TLN2: variants seen among roughly 807,000 people sequenced by gnomAD.
The protein encoded by TLN2 is talin 2.
Under a neutral mutation model 294.7 loss-of-function variants are expected in TLN2, and 118 were observed. The ratio of observed to expected loss-of-function variants is 0.40; its 90% confidence interval spans 0.34 to 0.47. The LOEUF (loss-of-function observed/expected upper bound fraction) is 0.47, where lower values mean the gene tolerates loss of function less well. Among genes scored for constraint, TLN2 ranks in the 20% least tolerant of loss-of-function variants. The pLI is 0.84. For synonymous variants in TLN2, 1,431 were observed against 1,304.5 expected (o/e 1.10, Z -2.09); for missense variants, 3,083 against 3,282.2 (o/e 0.94, Z 1.48).
At chr15:62,642,107 G>A (rs1182254118) in intron 3 of TLN2, among the ~76,000 whole-genome samples, 1 of 152,190 alleles carries the variant, frequency 6.6e-6, no homozygotes, top group Non-Finnish European at 1.5e-5. Flanking sequence ...GTTTTGTGTT[G>A]GATCAAGCAA....
intron 41 of TLN2, among the ~76,000 whole-genome samples, chr15:62,767,967 T>TAG (rs61407938): frequency 0.15 from 23,565 of 152,196 alleles, 2,083 homozygotes; most frequent in South Asian, 0.24. Context: ...TCACTTGACT[T>TAG]ACAAATTTAC....
At position 62,424,952 on chromosome 15, in the gene TLN2, C is replaced by CTT. The variant is rs529075856; in HGVS notation, c.-238+34284_-238+34285dup. Among the ~76,000 whole-genome samples the CTT allele has an allele frequency of 6.0e-3, 777 of 129,234 alleles. 12 individuals are homozygous for CTT. Among genetic ancestry groups the CTT allele is most frequent in the African/African-American group, 0.021 (722 of 33,990 alleles). 84.8% of individuals were successfully genotyped at this position (129,234 alleles called of 152,430 possible). A position where few individuals can be genotyped will look rare whatever the true frequency, so the allele number is the denominator to read the frequency against. ...ACAGGCATGAGCCACCGTGCCTGGC[C>CTT]TTTTTTTTTTTTTTTTTTAAGAGAT... is the stretch of plus-strand genomic sequence containing the variant. On this transcript the variant is annotated intron_variant, in intron 1 of 58. Transcript: ENST00000636159.
chr15:62,740,018 T>C (rs1261914389), intron 31 of TLN2, among the ~76,000 whole-genome samples: 1 of 151,590 alleles, frequency 6.6e-6, no homozygotes, highest in East Asian at 1.9e-4. Context: ...TTGACTGATC[T>C]GGTGTCAGCT....
At chr15:62,610,759 C>T (rs1232769241) in intron 2 of TLN2, among the ~76,000 whole-genome samples, 2 of 152,130 alleles carry the variant, frequency 1.3e-5, no homozygotes, top group African/African-American at 4.8e-5. Context: ...TGCAAACGTG[C>T]CAGGAGTATT....
chr15:62,779,289 G>A (rs1363928250), intron 43 of TLN2, among the ~76,000 whole-genome samples: 4 of 152,164 alleles, frequency 2.6e-5, no homozygotes, highest in African/African-American at 9.7e-5. Flanking sequence ...CATTCAGTGA[G>A]GTTGGTAGGA....
At chr15:62,556,225 C>A (rs563339525) in intron 1 of TLN2, among the ~76,000 whole-genome samples, 1 of 148,490 alleles carries the variant, frequency 6.7e-6, no homozygotes, top group East Asian at 2.0e-4. Context: ...TTTTCCTTTC[C>A]CCTCCTACCC....
intron 32 of TLN2, among the ~76,000 whole-genome samples, chr15:62,744,708 A>G (rs2061521565): frequency 6.6e-6 from 1 of 151,962 alleles, no homozygotes; most frequent in Non-Finnish European, 1.5e-5. Flanking sequence ...CACCATGCCC[A>G]GCTAATTTTT....
chr15:62,765,505 A>G (rs150095687), intron 40 of TLN2, among the ~76,000 whole-genome samples: 42 of 152,180 alleles, frequency 2.8e-4, no homozygotes, highest in African/African-American at 9.9e-4. Context: ...ACTCAATTCC[A>G]TGCTGGTGTG....
intron 1 of TLN2, among the ~76,000 whole-genome samples, chr15:62,485,498 A>G (rs532040529): frequency 6.6e-6 from 1 of 152,308 alleles, no homozygotes; most frequent in South Asian, 2.1e-4. Context: ...ACATGAGAAC[A>G]GGAGTCATCC....
intron 34 of TLN2, among the ~76,000 whole-genome samples, chr15:62,751,751 G>A (rs981097616): frequency 6.6e-6 from 1 of 152,148 alleles, no homozygotes; most frequent in Non-Finnish European, 1.5e-5. Context: ...ACTCTGGGTT[G>A]GATTCTGAAC....
chr15:62,747,094 A>G (rs1395125380), intron 32 of TLN2, among the ~76,000 whole-genome samples: 1 of 152,244 alleles, frequency 6.6e-6, no homozygotes, highest in African/African-American at 2.4e-5. Flanking sequence ...GTTTTAAACA[A>G]CTATGAGCTA....
intron 2 of TLN2, among the ~76,000 whole-genome samples, chr15:62,597,883 G>C (rs565596103): frequency 6.6e-6 from 1 of 152,020 alleles, no homozygotes; most frequent in East Asian, 1.9e-4. Context: ...ACTGTATGTT[G>C]ACTGTGACAT....
chr15:62,793,751 G>C (rs2065248256), intron 46 of TLN2, among the ~76,000 whole-genome samples: 1 of 151,704 alleles, frequency 6.6e-6, no homozygotes, highest in South Asian at 2.1e-4. Flanking sequence ...TGAGGTACAG[G>C]ATAAAGCATC....
chr15:62,648,392 G>A (rs1484081821), intron 4 of TLN2, among the ~76,000 whole-genome samples: 1 of 113,636 alleles, frequency 8.8e-6, no homozygotes, highest in African/African-American at 3.5e-5. Context: ...GCGATGAAGC[G>A]AGACCCTGAC....
Position 62,454,549 on chromosome 15 carries a change from G to A in TLN2, c.-238+63864G>A, listed in dbSNP as rs556266386. On this transcript the variant is annotated intron_variant, in intron 1 of 58. Coordinates refer to ENST00000636159, the MANE Select transcript of TLN2 (RefSeq NM_015059.3). ...TTATTTGTAGGTCTGGTCATTAGGG[G>A]TGGGATGTCTGGCAGATGCCTTAGA... 1.0e-3 allele frequency among the ~76,000 whole-genome samples: 158 copies of A among 152,242 alleles called. 3 individuals carry two copies. In the South Asian group the frequency reaches 0.031, roughly 30 times the overall value.
chr15:62,394,614 A>G (rs901366125), intron 1 of TLN2, among the ~76,000 whole-genome samples: 4 of 152,230 alleles, frequency 2.6e-5, no homozygotes, highest in African/African-American at 9.6e-5. Context: ...TGTTTTGCCT[A>G]AAGTTCAAAG....
At chr15:62,840,051 T>C (rs2070436122) in intron 58 of TLN2, among the ~76,000 whole-genome samples, 1 of 152,194 alleles carries the variant, frequency 6.6e-6, no homozygotes, top group Non-Finnish European at 1.5e-5. Context: ...GCTTTAGCCT[T>C]GCCCATACCT....
rs1254213530 is a variant in TLN2 at position 62,766,388 on chromosome 15, C to T, written c.5162C>T (p.Ala1721Val). ...IGHLIDPIATAARGEAAQLGH... is the reference protein window; with the variant it reads ...IGHLIDPIATVARGEAAQLGH... ...CACCTTATCGATCCCATCGCCACAG[C>T]GGCTCGGGGAGAAGCAGCTCAGCTG... The change falls in exon 41 of 59, where the codon GCG (alanine) becomes GTG (valine). Residue 1721 changes from alanine (A) to valine (V), a missense_variant. Coordinates refer to ENST00000636159, the MANE Select transcript of TLN2 (RefSeq NM_015059.3). 10 of 1,612,314 alleles carry T rather than the reference C, an allele frequency of 6.2e-6. No homozygotes were observed. The highest frequency in any genetic ancestry group is 3.3e-5 in the South Asian group (3 of 91,036).
rs772228770 is a variant in TLN2 at position 62,748,928 on chromosome 15, A to T, written c.4119+484A>T. Reference sequence around the variant, plus strand: ...AGGAATCCTAGGACTAACAGTACTTACACAGTCAGGATGGCTGTGGGGCCC... The same window carrying T: ...AGGAATCCTAGGACTAACAGTACTTTCACAGTCAGGATGGCTGTGGGGCCC... On this transcript the variant is annotated intron_variant, in intron 33 of 58. Coordinates refer to ENST00000636159, the MANE Select transcript of TLN2 (RefSeq NM_015059.3). Among the ~76,000 whole-genome samples, 2 of 152,250 alleles carry T rather than the reference A, an allele frequency of 1.3e-5. 1 individual carries two copies. Among genetic ancestry groups the T allele is most frequent in the South Asian group, 4.1e-4 (2 of 4,834 alleles).
Sources: allele counts gnomAD v4.1 joint callset (sites outside exome capture counted in the v4.1 genomes callset), GRCh38; gene constraint gnomAD v4.1.1; transcripts MANE v1.5; gene names NCBI Gene and HGNC (gene_info 2026-07-23, HGNC 2026-07-21).